ARHGAP15: variants seen among roughly 807,000 people sequenced by gnomAD.
ARHGAP15 encodes the protein Rho GTPase activating protein 15, also known as rho GTPase-activating protein 15.
In ARHGAP15, 51 loss-of-function variants were observed where a neutral mutation model predicts 63.7. The observed-to-expected ratio is 0.80, with a 90% CI of 0.64 to 1.01. The LOEUF (loss-of-function observed/expected upper bound fraction) is 1.01, where lower values mean the gene tolerates loss of function less well. Among genes scored for constraint, ARHGAP15 ranks in the 50% least tolerant of loss-of-function variants. The pLI is 0.00. For missense variants in ARHGAP15, 560 were observed against 564.6 expected, an observed-to-expected ratio of 0.99 and a Z score of 0.08; for synonymous variants, 191 against 193.8, an observed-to-expected ratio of 0.99 and a Z score of 0.12.
intron 2 of ARHGAP15, among the ~76,000 whole-genome samples, chr2:143,183,724 T>TC: frequency 6.8e-6 from 1 of 146,404 alleles, no homozygotes; most frequent in East Asian, 2.0e-4. Flanking sequence ...TTTCTTTTCT[T>TC]TTTTTTTTTT....
At chr2:143,325,902 A>G (rs952312336) in intron 6 of ARHGAP15, among the ~76,000 whole-genome samples, 1 of 152,170 alleles carries the variant, frequency 6.6e-6, no homozygotes, top group Admixed American at 6.5e-5. Flanking sequence ...GATGACAAGT[A>G]AAAAAGGAAA....
At chr2:143,474,335 GTTA>G (rs1691715478) in intron 8 of ARHGAP15, among the ~76,000 whole-genome samples, 2 of 152,006 alleles carry the variant, frequency 1.3e-5, no homozygotes, top group Admixed American at 1.3e-4. Flanking sequence ...TATTTTTCAG[GTTA>G]TTATGCATAA....
At chr2:143,255,531 A>G (rs1362068563) in intron 6 of ARHGAP15, among the ~76,000 whole-genome samples, 1 of 152,064 alleles carries the variant, frequency 6.6e-6, no homozygotes, top group African/African-American at 2.4e-5. Flanking sequence ...ACATAATTTG[A>G]TCTTTCTGAT....
intron 12 of ARHGAP15, among the ~76,000 whole-genome samples, chr2:143,626,450 G>A (rs2105245418): frequency 6.6e-6 from 1 of 152,256 alleles, no homozygotes; most frequent in Middle Eastern, 3.4e-3. Flanking sequence ...GACCTTCTAG[G>A]TGAGTGTTAC....
At chr2:143,187,125 CAT>C (rs901470589) in intron 2 of ARHGAP15, among the ~76,000 whole-genome samples, 1 of 152,060 alleles carries the variant, frequency 6.6e-6, no homozygotes, top group Non-Finnish European at 1.5e-5. Flanking sequence ...GAAAGATAAA[CAT>C]AGAGTTAGAT....
At chr2:143,358,902 AGT>A (rs1685922065) in intron 6 of ARHGAP15, among the ~76,000 whole-genome samples, 1 of 151,818 alleles carries the variant, frequency 6.6e-6, no homozygotes, top group Non-Finnish European at 1.5e-5. Context: ...TAAAAGGGAT[AGT>A]AAGTACCATC....
At chr2:143,552,870 C>T (rs935794357) in intron 10 of ARHGAP15, among the ~76,000 whole-genome samples, 1 of 152,268 alleles carries the variant, frequency 6.6e-6, no homozygotes, top group Non-Finnish European at 1.5e-5. Flanking sequence ...CCTCTCAAAG[C>T]GATTTTTCAC....
At chr2:143,503,203 A>G (rs1174919315) in intron 9 of ARHGAP15, among the ~76,000 whole-genome samples, 1 of 152,242 alleles carries the variant, frequency 6.6e-6, no homozygotes, top group East Asian at 1.9e-4. Context: ...CAATAACTGT[A>G]TTAGTTTTAT....
intron 12 of ARHGAP15, among the ~76,000 whole-genome samples, chr2:143,685,348 T>C (rs190842838): frequency 7.7e-4 from 117 of 152,320 alleles, no homozygotes; most frequent in African/African-American, 2.6e-3. Flanking sequence ...TTTGCAAATC[T>C]GTAAGAATTT....
chr2:143,624,241 T>C lies in ARHGAP15; in HGVS notation c.1112T>C (p.Phe371Ser), dbSNP rs912943104. ...CCTGAGCCGCTCTTCCCTTACAGTT[T>C]CTTTGAGCAGTTTGTGGAAGCGATC... is the stretch of plus-strand genomic sequence containing the variant. ...ELPEPLFPYS[F>S]FEQFVEAIKK... Residue 371 changes from phenylalanine to serine, a missense_variant, in exon 12 of 14, where the codon TTC becomes TCC. Transcript: ENST00000295095. 7 of 1,613,308 alleles carry C rather than the reference T, an allele frequency of 4.3e-6. No homozygotes were observed. In the African/African-American group the frequency reaches 8.0e-5, roughly 18 times the overall value.
intron 6 of ARHGAP15, among the ~76,000 whole-genome samples, chr2:143,374,077 A>G (rs1686698937): frequency 6.6e-6 from 1 of 152,230 alleles, no homozygotes; most frequent in South Asian, 2.1e-4. Context: ...TGTTACTCAC[A>G]TATAACTGAT....
intron 10 of ARHGAP15, among the ~76,000 whole-genome samples, chr2:143,525,175 G>A (rs548771964): frequency 2.1e-4 from 32 of 152,014 alleles, no homozygotes; most frequent in Non-Finnish European, 4.3e-4. Flanking sequence ...ATCCAGGCAC[G>A]CACTAAAGGC....
intron 6 of ARHGAP15, among the ~76,000 whole-genome samples, chr2:143,310,652 G>A (rs564611126): frequency 1.3e-5 from 2 of 152,038 alleles, no homozygotes; most frequent in Admixed American, 6.6e-5. Context: ...TGTTAACACA[G>A]TTATTTATAT....
At chr2:143,236,001 A>C in intron 5 of ARHGAP15, 1 of 1,539,230 alleles carries the variant, frequency 6.5e-7, no homozygotes, top group Non-Finnish European at 8.8e-7. Flanking sequence ...GATTTGGCAA[A>C]TCTCCATTTT....
At chr2:143,326,064 C>G (rs1574278333) in intron 6 of ARHGAP15, among the ~76,000 whole-genome samples, 1 of 152,142 alleles carries the variant, frequency 6.6e-6, no homozygotes, top group African/African-American at 2.4e-5. Flanking sequence ...TTCTAAACTT[C>G]CTTGTTTCAG....
At chr2:143,468,641 AGAG>A (rs373669455) in intron 8 of ARHGAP15, among the ~76,000 whole-genome samples, 27,304 of 111,388 alleles carry the variant, frequency 0.25, 2,804 homozygotes, top group East Asian at 0.44. Context: ...TGTGAGAGAG[AGAG>A]AGAGAGAGAG....
At chr2:143,639,390 C>G (rs903615178) in intron 12 of ARHGAP15, among the ~76,000 whole-genome samples, 4 of 152,044 alleles carry the variant, frequency 2.6e-5, no homozygotes, top group African/African-American at 9.7e-5. Context: ...GCCTGGGTCA[C>G]TGGAAAAATT....
chr2:143,716,113 C>G lies in ARHGAP15; in HGVS notation c.1244+12589C>G, dbSNP rs192006556. On this transcript the variant is annotated intron_variant, in intron 13 of 13. Coordinates refer to ENST00000295095, the MANE Select transcript of ARHGAP15 (RefSeq NM_018460.4). Reference sequence around the variant, plus strand: ...TAGGAAGATCTGTGCAGCAAACCACCATGGCACACGTTTAACTATGTAACA... The same window carrying G: ...TAGGAAGATCTGTGCAGCAAACCACGATGGCACACGTTTAACTATGTAACA... Among the ~76,000 whole-genome samples the G allele has an allele frequency of 7.9e-5, 12 of 152,262 alleles. No homozygotes were observed. In the East Asian group the frequency reaches 2.3e-3, roughly 29 times the overall value.
At chr2:143,528,146 T>G (rs1694361542) in intron 10 of ARHGAP15, among the ~76,000 whole-genome samples, 1 of 152,100 alleles carries the variant, frequency 6.6e-6, no homozygotes. Context: ...TCAGAGGAAG[T>G]CATATCCCAT....
Sources: gnomAD v4.1 joint callset for allele counts (sites outside exome capture counted in the v4.1 genomes callset) on GRCh38, gnomAD v4.1.1 for gene constraint, MANE v1.5 for transcripts, NCBI Gene and HGNC (gene_info 2026-07-23, HGNC 2026-07-21) for gene names.